SRCIN1: variants seen among roughly 807,000 people sequenced by gnomAD.
SRCIN1 encodes the protein SRC kinase signaling inhibitor 1, also known as P130Cas-associated protein.
A neutral mutation model predicts 116.2 loss-of-function variants in SRCIN1; 50 were observed. That is an observed-to-expected ratio of 0.43 (90% CI 0.34 to 0.54). The LOEUF (loss-of-function observed/expected upper bound fraction) is 0.54, where lower values mean the gene tolerates loss of function less well. SRCIN1 is among the 20% of genes least tolerant of loss of function. The pLI is 0.02. For missense variants in SRCIN1, 1,446 were observed against 1,672.0 expected (o/e 0.86, Z 2.36); for synonymous variants, 736 against 750.0 (o/e 0.98, Z 0.30).
In SRCIN1 at chr17:38,604,617, C is replaced by A; in HGVS notation, c.22+1067G>T. The A allele has an allele frequency of 2.3e-6, 1 of 433,136 alleles. No individual in the cohort carries two copies. 26.8% of individuals were successfully genotyped at this position (433,136 alleles called of 1,614,324 possible). Reference sequence around the variant, plus strand: ...CAGGGCTGCATGGGGACGCGTGGGGCTGGGGGACGAGCACCAGCAGCCGCA... The same window carrying A: ...CAGGGCTGCATGGGGACGCGTGGGGATGGGGGACGAGCACCAGCAGCCGCA... On this transcript the variant is annotated intron_variant, in intron 1 of 18. Transcript: ENST00000617146. This position sits in a 1 kb window ranked among gnomAD's most constrained non-coding sequence, Gnocchi z 4.3.
At chr17:38,567,156 C>T (rs575810587) in intron 3 of SRCIN1, among the ~76,000 whole-genome samples, 14 of 152,316 alleles carry the variant, frequency 9.2e-5, no homozygotes, top group Admixed American at 2.0e-4. Context: ...CCATATGCCT[C>T]GGCCTCCGAA....
In SRCIN1 at chr17:38,552,728, T is replaced by C; in HGVS notation, c.2329A>G (p.Lys777Glu). 6.2e-7 allele frequency: 1 copy of C among 1,613,548 alleles called. No homozygotes were observed. Among genetic ancestry groups the C allele is most frequent in the Non-Finnish European group, 8.5e-7 (1 of 1,179,576 alleles). ...CATTCGCAGGCCCCAGACCCACCCT[T>C]GAGCTCTGTCAGCGTCTCCCCGAGC... is the stretch of plus-strand genomic sequence containing the variant. ...KQLGETLTEL[K>E]AHFPGLQSKM... Residue 777 changes from lysine to glutamate, a missense_variant, in exon 12 of 19, where the codon AAG (lysine) becomes GAG (glutamate). Physicochemically the swap from Lys to Glu is moderately conservative, Grantham distance 56. Transcript: ENST00000617146. This position sits in a 1 kb window ranked among gnomAD's most constrained non-coding sequence, Gnocchi z 5.3.
chr17:38,544,115 G>A lies in SRCIN1; in HGVS notation c.3271-146C>T, dbSNP rs567780399. On this transcript the variant is annotated intron_variant, in intron 17 of 18. Coordinates refer to ENST00000617146, the MANE Select transcript of SRCIN1 (RefSeq NM_025248.3). The surrounding 1 kb of genome is among the most constrained non-coding windows in gnomAD (Gnocchi z 4.5). Reference sequence around the variant, plus strand: ...GAGACCCCTCTCTAGCTCCACACCCGAGTCCAGAACCCAGGTCCACCCTCT... The same window carrying A: ...GAGACCCCTCTCTAGCTCCACACCCAAGTCCAGAACCCAGGTCCACCCTCT... 11 of 1,007,018 alleles carry A rather than the reference G, an allele frequency of 1.1e-5. No individual in the cohort carries two copies. Among genetic ancestry groups the A allele is most frequent in the African/African-American group, 4.9e-5 (3 of 60,960 alleles). 62.4% of individuals were successfully genotyped at this position (1,007,018 alleles called of 1,614,324 possible).
At chr17:38,538,711 T>G (rs1904547178) in intron 18 of SRCIN1, among the ~76,000 whole-genome samples, 1 of 152,126 alleles carries the variant, frequency 6.6e-6, no homozygotes, top group Non-Finnish European at 1.5e-5. Context: ...CCTTCTAGAA[T>G]TCTCGTCACA....
intron 3 of SRCIN1, among the ~76,000 whole-genome samples, chr17:38,567,783 G>A (rs1304127085): frequency 6.6e-6 from 1 of 152,148 alleles, no homozygotes; most frequent in Non-Finnish European, 1.5e-5. Context: ...TGGACAGTAA[G>A]AAAAGGAAGG....
At chr17:38,599,132 G>A (rs756444867) in intron 1 of SRCIN1, among the ~76,000 whole-genome samples, 10 of 152,166 alleles carry the variant, frequency 6.6e-5, no homozygotes, top group South Asian at 2.1e-4. Context: ...TATCTCAAGG[G>A]AGAGGAGGTA....
In SRCIN1 at chr17:38,558,322, C is replaced by T; in HGVS notation, c.2106G>A (p.Arg702=). 5.0e-6 allele frequency: 8 copies of T among 1,610,728 alleles called. No homozygotes were observed. The highest frequency in any genetic ancestry group is 6.8e-6 in the Non-Finnish European group (8 of 1,179,568). Residue 702 remains arginine (R), a synonymous_variant, in exon 11 of 19, where the codon CGG becomes CGA. Transcript: ENST00000617146. This position sits in a 1 kb window ranked among gnomAD's most constrained non-coding sequence, Gnocchi z 4.6. Reference sequence around the variant, plus strand: ...GCCGCTGCAGCGGGTCCTCCTGCCGCCGCGCCGCCTCCGACACGCGCATGC... The same window carrying T: ...GCCGCTGCAGCGGGTCCTCCTGCCGTCGCGCCGCCTCCGACACGCGCATGC... The part of the protein sequence containing the change: ...ELSMRVSEAA[R]RQEDPLQRQR...
intron 18 of SRCIN1, among the ~76,000 whole-genome samples, 185 bp downstream of exon 18, chr17:38,543,638 G>C (rs1403133690): frequency 2.0e-5 from 3 of 152,188 alleles, no homozygotes; most frequent in South Asian, 4.1e-4. Flanking sequence ...CCAAAGCTCC[G>C]GGATCGGGAG....
intron 1 of SRCIN1, chr17:38,600,954 T>C (rs1363800186): frequency 3.3e-5 from 5 of 152,276 alleles, no homozygotes; most frequent in African/African-American, 1.2e-4. Context: ...AGCAAAAGCA[T>C]GGGCCAATGG....
intron 10 of SRCIN1, 71 bp downstream of exon 10, chr17:38,559,514 C>G: frequency 2.0e-6 from 3 of 1,496,720 alleles, no homozygotes; most frequent in Non-Finnish European, 2.7e-6. Context: ...GGGGATGGGG[C>G]GGGACTTGCG....
intron 2 of SRCIN1, among the ~76,000 whole-genome samples, chr17:38,573,823 G>A (rs1468809965): frequency 6.6e-6 from 1 of 152,240 alleles, no homozygotes; most frequent in African/African-American, 2.4e-5. Context: ...TTGCCATCCA[G>A]CCTTGGGGGC....
Position 38,552,792 on chromosome 17 carries a change from G to A in SRCIN1, c.2265C>T (p.Pro755=), listed in dbSNP as rs1222043504. The stretch of plus-strand genomic sequence containing the variant: ...GTGCCTTCTCCTCCAGCTCAGGGCC[G>A]GGCACCAGCCGGTGGTTGTGGGACA... ...RDVSHNHRLV[P]GPELEEKALV... Residue 755 remains proline (P), a synonymous_variant, in exon 12 of 19, where the codon CCC becomes CCT. Coordinates refer to ENST00000617146, the MANE Select transcript of SRCIN1 (RefSeq NM_025248.3). This position sits in a 1 kb window ranked among gnomAD's most constrained non-coding sequence, Gnocchi z 5.3. The A allele has an allele frequency of 5.6e-6, 9 of 1,613,962 alleles. No individual in the cohort carries two copies. The East Asian group carries it at 6.7e-5, about 12-fold the overall frequency.
chr17:38,549,810 G>A (rs1285103815), intron 15 of SRCIN1, among the ~76,000 whole-genome samples: 1 of 152,128 alleles, frequency 6.6e-6, no homozygotes, highest in East Asian at 1.9e-4. Flanking sequence ...CAGCACCTCT[G>A]CACCTGCCAA....
chr17:38,604,644 A>C lies in SRCIN1; in HGVS notation c.22+1040T>G. ...GGGGGACGAGCACCAGCAGCCGCAC[A>C]CGCCCCGCCGGGCCCTGACAGCTGA... On this transcript the variant is annotated intron_variant, in intron 1 of 18. Coordinates refer to ENST00000617146, the MANE Select transcript of SRCIN1 (RefSeq NM_025248.3). The surrounding 1 kb of genome is among the most constrained non-coding windows in gnomAD (Gnocchi z 4.3). The C allele has an allele frequency of 4.9e-6, 2 of 411,026 alleles. No homozygotes were observed. The highest frequency in any genetic ancestry group is 5.3e-5 in the Admixed American group (2 of 37,612). The allele number at this position is 411,026 out of a possible 1,614,324, so 25.5% of individuals were successfully genotyped here.
intron 18 of SRCIN1, among the ~76,000 whole-genome samples, 182 bp from the exon 19 acceptor site, chr17:38,533,613 A>C: frequency 8.1e-6 from 1 of 123,796 alleles, no homozygotes; most frequent in Non-Finnish European, 1.7e-5. Context: ...TGGGGGCAGA[A>C]AAGGGGGGGG....
At chr17:38,597,100 C>A (rs1469437528) in intron 1 of SRCIN1, among the ~76,000 whole-genome samples, 1 of 152,216 alleles carries the variant, frequency 6.6e-6, no homozygotes, top group African/African-American at 2.4e-5. Flanking sequence ...ATTCTCAGAG[C>A]CCCCTGCCAA....
In SRCIN1 at chr17:38,562,990, T is replaced by G; in HGVS notation, c.741-70A>C. 1 of 1,319,430 alleles carries G rather than the reference T, an allele frequency of 7.6e-7. No homozygotes were observed. Among genetic ancestry groups the G allele is most frequent in the Non-Finnish European group, 1.1e-6 (1 of 931,122 alleles). 81.7% of individuals were successfully genotyped at this position (1,319,430 alleles called of 1,614,324 possible). On this transcript the variant is annotated intron_variant, in intron 5 of 18. Coordinates refer to ENST00000617146, the MANE Select transcript of SRCIN1 (RefSeq NM_025248.3). The surrounding 1 kb of genome is among the most constrained non-coding windows in gnomAD (Gnocchi z 4.2). Reference sequence around the variant, plus strand: ...GTGCACAATGAGAAGGGATGGCTACTCCAGGCCTAGAGAAGAGGGGTGGCC... The same window carrying G: ...GTGCACAATGAGAAGGGATGGCTACGCCAGGCCTAGAGAAGAGGGGTGGCC...
In SRCIN1 at chr17:38,564,172, G is replaced by T; in HGVS notation, c.487C>A (p.Arg163=). ...PLGFSRMNRF[R]QSLPLSRSAS... ...GAGCGGGAGAGAGGCAGGCTCTGTC[G>T]GAAGCGGTTCATCCTGCTGAAGCCC... Residue 163 remains arginine (R), a synonymous_variant, in exon 4 of 19, where the codon CGA becomes AGA. Coordinates refer to ENST00000617146, the MANE Select transcript of SRCIN1 (RefSeq NM_025248.3). The T allele has an allele frequency of 6.3e-7, 1 of 1,596,002 alleles. No individual in the cohort carries two copies.
chr17:38,539,309 C>CG (rs1904584737), intron 18 of SRCIN1, among the ~76,000 whole-genome samples: 1 of 152,166 alleles, frequency 6.6e-6, no homozygotes, highest in Admixed American at 6.5e-5. Flanking sequence ...AGGCTGGTCT[C>CG]GAACTCCTGG....
Sources: gnomAD v4.1 joint callset for allele counts (sites outside exome capture counted in the v4.1 genomes callset) on GRCh38, gnomAD v4.1.1 for gene constraint, Gnocchi (gnomAD v3.1) non-coding constraint, MANE v1.5 for transcripts, NCBI Gene and HGNC (gene_info 2026-07-23, HGNC 2026-07-21) for gene names.